Variants in PDLIM5 observed in about 807,000 individuals in gnomAD.
PDLIM5 encodes the protein PDZ and LIM domain 5, also known as PDZ and LIM domain protein 5.
PDLIM5 carries 34 observed loss-of-function variants against 64.2 expected under a neutral mutation model. That is an observed-to-expected ratio of 0.53 (90% CI 0.40 to 0.71). PDLIM5 has a LOEUF of 0.71. PDLIM5 is among the 30% of genes least tolerant of loss of function. PDLIM5 has a pLI of 0.00. For missense variants in PDLIM5, 683 were observed against 733.6 expected (o/e 0.93, Z 0.80); for synonymous variants, 253 against 269.1 (o/e 0.94, Z 0.59).
chr4:94,661,290 A>C (rs1489887118), intron 11 of PDLIM5, among the ~76,000 whole-genome samples: 2 of 152,054 alleles, frequency 1.3e-5, no homozygotes, highest in Non-Finnish European at 2.9e-5. Context: ...GCTACTCAGG[A>C]GACAGAGGCA....
intron 9 of PDLIM5, among the ~76,000 whole-genome samples, chr4:94,644,153 A>C (rs1741218470): frequency 6.6e-6 from 1 of 152,234 alleles, no homozygotes; most frequent in East Asian, 1.9e-4. Context: ...AGCATATTCC[A>C]AATATTGCAC....
intron 2 of PDLIM5, among the ~76,000 whole-genome samples, chr4:94,459,886 TC>T (rs1723720607): frequency 6.6e-6 from 1 of 152,206 alleles, no homozygotes; most frequent in African/African-American, 2.4e-5. Flanking sequence ...ATTGCTTGAC[TC>T]CAAGTAAAGC....
At chr4:94,514,660 G>A (rs1450981555) in intron 2 of PDLIM5, among the ~76,000 whole-genome samples, 1 of 152,116 alleles carries the variant, frequency 6.6e-6, no homozygotes, top group African/African-American at 2.4e-5. Context: ...TGAAGCCATT[G>A]GGTCCAAGGC....
chr4:94,500,848 A>G (rs1727849045), intron 2 of PDLIM5, among the ~76,000 whole-genome samples: 1 of 151,952 alleles, frequency 6.6e-6, no homozygotes, highest in African/African-American at 2.4e-5. Flanking sequence ...CAGTGACGTG[A>G]TCTTGGCTCA....
At chr4:94,629,210 G>A (rs184967012) in intron 8 of PDLIM5, among the ~76,000 whole-genome samples, 16 of 152,186 alleles carry the variant, frequency 1.1e-4, no homozygotes, top group Non-Finnish European at 1.2e-4. Flanking sequence ...TAAGCTGGGC[G>A]TGGTGGCGTG....
chr4:94,580,738 C>T (rs1280136544), intron 5 of PDLIM5, among the ~76,000 whole-genome samples: 1 of 152,004 alleles, frequency 6.6e-6, no homozygotes, highest in Non-Finnish European at 1.5e-5. Flanking sequence ...TTTCTCAAGT[C>T]ACACATCTTA....
At chr4:94,583,400 A>G (rs988778863) in intron 5 of PDLIM5, among the ~76,000 whole-genome samples, 1 of 152,132 alleles carries the variant, frequency 6.6e-6, no homozygotes, top group Non-Finnish European at 1.5e-5. Flanking sequence ...TAGAGGATAA[A>G]ATAGTCTTAC....
chr4:94,521,943 C>T (rs879695396), intron 2 of PDLIM5, among the ~76,000 whole-genome samples: 1 of 151,990 alleles, frequency 6.6e-6, no homozygotes, highest in Non-Finnish European at 1.5e-5. Context: ...AATTTTATTT[C>T]ATTTGCTGAT....
intron 3 of PDLIM5, among the ~76,000 whole-genome samples, chr4:94,567,870 A>T (rs544952726): frequency 6.6e-6 from 1 of 152,320 alleles, no homozygotes; most frequent in Non-Finnish European, 1.5e-5. Context: ...GCTGTGTGGT[A>T]TGAATTTCAT....
intron 8 of PDLIM5, among the ~76,000 whole-genome samples, chr4:94,619,352 C>CT (rs5860369): frequency 0.97 from 138,818 of 143,590 alleles, 67,213 homozygotes; most frequent in East Asian, 1. Context: ...TCTTTTTTTT[C>CT]TTTTTTTTTT....
intron 3 of PDLIM5, among the ~76,000 whole-genome samples, chr4:94,539,728 A>T (rs1026564391): frequency 2.6e-5 from 4 of 152,202 alleles, no homozygotes; most frequent in Non-Finnish European, 5.9e-5. Context: ...ACTTAAATAT[A>T]GAATTTGCTA....
chr4:94,635,835 A>G (rs1725762231), intron 8 of PDLIM5, among the ~76,000 whole-genome samples: 1 of 152,142 alleles, frequency 6.6e-6, no homozygotes, highest in South Asian at 2.1e-4. Flanking sequence ...ATGAAACATC[A>G]CTTTGTTCAT....
At chr4:94,462,799 TA>T (rs757459392) in intron 2 of PDLIM5, among the ~76,000 whole-genome samples, 43 of 152,334 alleles carry the variant, frequency 2.8e-4, no homozygotes, top group Non-Finnish European at 5.9e-4. Flanking sequence ...ATACCTATGC[TA>T]GCCTAAGTTT....
intron 2 of PDLIM5, among the ~76,000 whole-genome samples, chr4:94,474,885 C>A (rs1725190526): frequency 6.6e-6 from 1 of 152,210 alleles, no homozygotes. Context: ...CTGTTGCACT[C>A]AGGCTGTTCT....
intron 3 of PDLIM5, among the ~76,000 whole-genome samples, chr4:94,548,984 GA>G (rs369324939): frequency 8.9e-5 from 13 of 145,258 alleles, no homozygotes; most frequent in East Asian, 4.0e-4. Flanking sequence ...TAAGTTAAAA[GA>G]AAAAAAAAAG....
intron 7 of PDLIM5, among the ~76,000 whole-genome samples, chr4:94,588,714 G>A (rs1736445261): frequency 6.6e-6 from 1 of 152,114 alleles, no homozygotes; most frequent in South Asian, 2.1e-4. Context: ...TAGAATTATT[G>A]TTTGTGTGAA....
chr4:94,665,387 C>A lies in PDLIM5; in HGVS notation c.*1320C>A. On this transcript the variant is annotated 3_prime_UTR_variant, in exon 13 of 13. Coordinates refer to ENST00000317968, the MANE Select transcript of PDLIM5 (RefSeq NM_006457.5). ...GTCCCATGTACTTGGGAGGCTGAGG[C>A]AGGAAAATTCTTGAACCCAGGAGAC... The A allele has an allele frequency of 3.0e-6, 1 of 329,610 alleles. No individual in the cohort carries two copies. The highest frequency in any genetic ancestry group is 4.3e-6 in the Non-Finnish European group (1 of 234,058). The allele number at this position is 329,610 out of a possible 1,614,324, so 20.4% of individuals were successfully genotyped here.
At chr4:94,576,294 C>T (rs549537340) in intron 5 of PDLIM5, among the ~76,000 whole-genome samples, 59 of 152,180 alleles carry the variant, frequency 3.9e-4, no homozygotes, top group Admixed American at 2.0e-3. Context: ...TTGTAAGTCC[C>T]GACACAGCAT....
chr4:94,513,941 G>GATTTTATCAA (rs1205394578), intron 2 of PDLIM5, among the ~76,000 whole-genome samples: 1 of 151,860 alleles, frequency 6.6e-6, no homozygotes, highest in Non-Finnish European at 1.5e-5. Flanking sequence ...TAGGGATGTT[G>GATTTTATCAA]ATTTTATCAA....
Sources: allele counts gnomAD v4.1 joint callset (sites outside exome capture counted in the v4.1 genomes callset), GRCh38; gene constraint gnomAD v4.1.1; transcripts MANE v1.5; gene names NCBI Gene and HGNC (gene_info 2026-07-23, HGNC 2026-07-21).